Variants in TUBA8 observed in about 807,000 individuals in gnomAD.
TUBA8 encodes the protein tubulin alpha 8, also known as tubulin alpha-8 chain.
Under a neutral mutation model 34.7 loss-of-function variants are expected in TUBA8, and 29 were observed. That is an observed-to-expected ratio of 0.84 (90% CI 0.62 to 1.14). The LOEUF (loss-of-function observed/expected upper bound fraction) is 1.14. Ranked by LOEUF, TUBA8 falls within the 50% of genes most tolerant of loss-of-function variation. The pLI is 0.00. For missense variants in TUBA8, 541 were observed against 599.2 expected (o/e 0.90, Z 1.01); for synonymous variants, 226 against 231.2 (o/e 0.98, Z 0.21).
chr22:18,125,119 G>T (rs1248341389), intron 3 of TUBA8: 1 of 152,194 alleles, frequency 6.6e-6, no homozygotes, highest in Non-Finnish European at 1.5e-5. Flanking sequence ...GCTGACATCC[G>T]TGCTTACAAC....
At chr22:18,129,593 C>A in intron 4 of TUBA8, 1 of 152,386 alleles carries the variant, frequency 6.6e-6, no homozygotes, top group Non-Finnish European at 1.5e-5. Context: ...CACTTTGCCC[C>A]TCTCCCAGTA....
chr22:18,124,045 TC>T lies in TUBA8; in HGVS notation c.227-109del. On this transcript the variant is annotated intron_variant, in intron 2 of 4. Transcript: ENST00000330423. The surrounding 1 kb of genome is among the most constrained non-coding windows in gnomAD (Gnocchi z 4.3). ...TTACGAGGTGGTCTGGCTTCAAACC[TC>T]CATGGAGTTTTATAGGTAGGGGAGA... 7.3e-7 allele frequency: 1 copy of T among 1,378,406 alleles called. No homozygotes were observed. Among genetic ancestry groups the T allele is most frequent in the Non-Finnish European group, 1.0e-6 (1 of 980,148 alleles). 85.4% of individuals were successfully genotyped at this position (1,378,406 alleles called of 1,614,324 possible). A position where few individuals can be genotyped will look rare whatever the true frequency, so the allele number is the denominator to read the frequency against.
chr22:18,127,487 A>G (rs551021107), intron 4 of TUBA8: 8 of 152,252 alleles, frequency 5.3e-5, no homozygotes, highest in South Asian at 3.8e-4. Context: ...TCCACCTCTC[A>G]GGTTCACGCC....
In TUBA8 at chr22:18,121,950, C is replaced by CA. The variant is rs1928163814; in HGVS notation, c.226+253dup. ...AACCCCAAAACCTGCGGCACCAGGT[C>CA]AAAATGGTCACATCGCTACTAAATA... On this transcript the variant is annotated intron_variant, in intron 2 of 4. Coordinates refer to ENST00000330423, the MANE Select transcript of TUBA8 (RefSeq NM_018943.3). The surrounding 1 kb of genome is among the most constrained non-coding windows in gnomAD (Gnocchi z 4.8). The CA allele has an allele frequency of 1.9e-6, 1 of 536,246 alleles. No homozygotes were observed. Among genetic ancestry groups the CA allele is most frequent in the Non-Finnish European group, 3.4e-6 (1 of 298,220 alleles). 33.2% of individuals were successfully genotyped at this position (536,246 alleles called of 1,614,324 possible). A position where few individuals can be genotyped will look rare whatever the true frequency, so the allele number is the denominator to read the frequency against.
At chr22:18,127,654 A>C (rs1258798697) in intron 4 of TUBA8, 3 of 140,682 alleles carry the variant, frequency 2.1e-5, no homozygotes, top group Non-Finnish European at 4.6e-5. Context: ...TGGCCTCCCA[A>C]AGTGCTGGGA....
At position 18,117,187 on chromosome 22, in the gene TUBA8, A is replaced by AT. The variant is rs1280754555; in HGVS notation, c.4-4287dup. 7 of 152,238 alleles carry AT rather than the reference A, an allele frequency of 4.6e-5. No homozygotes were observed. In the South Asian group the frequency reaches 1.0e-3, roughly 23 times the overall value. The allele number at this position is 152,238 out of a possible 1,614,324, so 9.4% of individuals were successfully genotyped here. A position where few individuals can be genotyped will look rare whatever the true frequency, so the allele number is the denominator to read the frequency against. On this transcript the variant is annotated intron_variant, in intron 1 of 4. Transcript: ENST00000330423. ...TTATCTAGATTTAAGAAGAAGAATG[A>AT]TTTTTCCATCTGTTATTTGCTGTGT...
At position 18,126,686 on chromosome 22, in the gene TUBA8, C is replaced by G. The variant is rs745406393; in HGVS notation, c.708C>G (p.Ser236=). The G allele has an allele frequency of 5.0e-6, 8 of 1,614,056 alleles. No homozygotes were observed. The East Asian group carries it at 1.3e-4, about 27-fold the overall frequency. Reference sequence around the variant, plus strand: ...ACCGCCTCATCAGTCAGATTGTGTCCTCAATCACTGCTTCTCTCCGCTTTG... The same window carrying G: ...ACCGCCTCATCAGTCAGATTGTGTCGTCAATCACTGCTTCTCTCCGCTTTG... ...NLNRLISQIV[S]SITASLRFDG... Residue 236 remains serine (S), a synonymous_variant, in exon 4 of 5, where the codon TCC becomes TCG. Coordinates refer to ENST00000330423, the MANE Select transcript of TUBA8 (RefSeq NM_018943.3). This position sits in a 1 kb window ranked among gnomAD's most constrained non-coding sequence, Gnocchi z 4.0.
Position 18,118,272 on chromosome 22 carries a change from T to C in TUBA8, c.4-3207T>C, listed in dbSNP as rs1928037479. 6.6e-6 allele frequency: 1 copy of C among 152,210 alleles called. No homozygotes were observed. Among genetic ancestry groups the C allele is most frequent in the South Asian group, 2.1e-4 (1 of 4,834 alleles). 9.4% of individuals were successfully genotyped at this position (152,210 alleles called of 1,614,324 possible). On this transcript the variant is annotated intron_variant, in intron 1 of 4. Transcript: ENST00000330423. This position sits in a 1 kb window ranked among gnomAD's most constrained non-coding sequence, Gnocchi z 4.0. ...AATCTATTATTCGGTCCACATTGCT[T>C]AGCAGACATTCTTCAATTAAAGAAA...
Position 18,124,259 on chromosome 22 carries a change from G to T in TUBA8, c.330G>T (p.Val110=), listed in dbSNP as rs1928250484. Residue 110 remains valine, a synonymous_variant, in exon 3 of 5, where the codon GTG becomes GTT. Coordinates refer to ENST00000330423, the MANE Select transcript of TUBA8 (RefSeq NM_018943.3). The surrounding 1 kb of genome is among the most constrained non-coding windows in gnomAD (Gnocchi z 4.3). The stretch of plus-strand genomic sequence containing the variant: ...ACTATGCCCGGGGCCACTACACGGT[G>T]GGCAAGGAGAGCATTGACCTGGTGC... ...ANNYARGHYT[V]GKESIDLVLD... is the part of the protein sequence containing the mutation. 1.2e-6 allele frequency: 2 copies of T among 1,614,158 alleles called. No individual in the cohort carries two copies. The highest frequency in any genetic ancestry group is 1.7e-6 in the Non-Finnish European group (2 of 1,180,032).
At position 18,126,764 on chromosome 22, in the gene TUBA8, C is replaced by T. The variant is rs1333694434; in HGVS notation, c.786C>T (p.Tyr262=). 1.2e-6 allele frequency: 2 copies of T among 1,613,970 alleles called. No individual in the cohort carries two copies. The highest frequency in any genetic ancestry group is 1.3e-5 in the African/African-American group (1 of 74,878). Residue 262 remains tyrosine, a synonymous_variant, in exon 4 of 5, where the codon TAC becomes TAT. Coordinates refer to ENST00000330423, the MANE Select transcript of TUBA8 (RefSeq NM_018943.3). The surrounding 1 kb of genome is among the most constrained non-coding windows in gnomAD (Gnocchi z 4.0). The part of the protein sequence containing the change: ...LTEFQTNLVP[Y]PRIHFPLVTY... The stretch of plus-strand genomic sequence containing the variant: ...AGTTCCAGACCAACCTGGTGCCCTA[C>T]CCCCGCATCCACTTCCCGCTGGTCA...
chr22:18,119,984 G>A lies in TUBA8; in HGVS notation c.4-1495G>A, dbSNP rs1001148057. 6.6e-6 allele frequency: 1 copy of A among 152,188 alleles called. No individual in the cohort carries two copies. Among genetic ancestry groups the A allele is most frequent in the Non-Finnish European group, 1.5e-5 (1 of 68,056 alleles). The allele number at this position is 152,188 out of a possible 1,614,324, so 9.4% of individuals were successfully genotyped here. ...CACATGCTTCCTGCTGGGCTCAGGC[G>A]GCTGCCCCAGGCACAGTGTCGCCTT... On this transcript the variant is annotated intron_variant, in intron 1 of 4. Coordinates refer to ENST00000330423, the MANE Select transcript of TUBA8 (RefSeq NM_018943.3). The surrounding 1 kb of genome is among the most constrained non-coding windows in gnomAD (Gnocchi z 5.9).
chr22:18,126,763 A>G lies in TUBA8; in HGVS notation c.785A>G (p.Tyr262Cys). ...GAGTTCCAGACCAACCTGGTGCCCT[A>G]CCCCCGCATCCACTTCCCGCTGGTC... ...LTEFQTNLVPYPRIHFPLVTY... is the reference protein window; with the variant it reads ...LTEFQTNLVPCPRIHFPLVTY... Residue 262 changes from tyrosine (Y) to cysteine (C), a missense_variant, in exon 4 of 5, where the codon TAC becomes TGC. Transcript: ENST00000330423. This position sits in a 1 kb window ranked among gnomAD's most constrained non-coding sequence, Gnocchi z 4.0. 6.2e-7 allele frequency: 1 copy of G among 1,613,154 alleles called. No homozygotes were observed.
At chr22:18,127,673 G>C (rs532476215) in intron 4 of TUBA8, 1 of 146,634 alleles carries the variant, frequency 6.8e-6, no homozygotes, top group Non-Finnish European at 1.5e-5. Context: ...GATTACAGGC[G>C]TGAGCCACTG....
In TUBA8 at chr22:18,121,749, A is replaced by G. The variant is rs377178253; in HGVS notation, c.226+48A>G. On this transcript the variant is annotated intron_variant, in intron 2 of 4. Transcript: ENST00000330423. This position sits in a 1 kb window ranked among gnomAD's most constrained non-coding sequence, Gnocchi z 4.8. ...TCCACAGAGAACATCTCGAAACTGCAGAGGCATTGGCCCACAGTAGCTAAG... is the reference window on the plus strand; with the variant it reads ...TCCACAGAGAACATCTCGAAACTGCGGAGGCATTGGCCCACAGTAGCTAAG... 1.7e-5 allele frequency: 27 copies of G among 1,573,478 alleles called. No individual in the cohort carries two copies. The highest frequency in any genetic ancestry group is 2.3e-5 in the Non-Finnish European group (26 of 1,146,528).
intron 2 of TUBA8, chr22:18,123,790 G>T: frequency 3.2e-6 from 1 of 314,180 alleles, no homozygotes; most frequent in East Asian, 7.7e-5. Flanking sequence ...GCCCAGGCTG[G>T]TCTTGAACTC....
At position 18,124,397 on chromosome 22, in the gene TUBA8, AC is replaced by A; in HGVS notation, c.375+97del. 1 of 1,418,760 alleles carries A rather than the reference AC, an allele frequency of 7.0e-7. No homozygotes were observed. 87.9% of individuals were successfully genotyped at this position (1,418,760 alleles called of 1,614,324 possible). On this transcript the variant is annotated intron_variant, in intron 3 of 4. Coordinates refer to ENST00000330423, the MANE Select transcript of TUBA8 (RefSeq NM_018943.3). The surrounding 1 kb of genome is among the most constrained non-coding windows in gnomAD (Gnocchi z 4.3). ...TGATCAGGCTAGGGAGAGGCATCTG[AC>A]CCCTGGCTATAGGATGGAGCTCCTA...
In TUBA8 at chr22:18,131,316, G is replaced by T. The variant is rs930546400; in HGVS notation, c.*180G>T. On this transcript the variant is annotated 3_prime_UTR_variant, in exon 5 of 5. Transcript: ENST00000330423. The surrounding 1 kb of genome is among the most constrained non-coding windows in gnomAD (Gnocchi z 5.3). The stretch of plus-strand genomic sequence containing the variant: ...GCTAAGTGGACACTGAGCTTCATCA[G>T]GCCCTCCCTGGGTAGGAGCAGCTTT... The T allele has an allele frequency of 2.4e-5, 15 of 637,050 alleles. No homozygotes were observed. The highest frequency in any genetic ancestry group is 4.1e-5 in the Non-Finnish European group (15 of 364,478). 39.5% of individuals were successfully genotyped at this position (637,050 alleles called of 1,614,324 possible). A position where few individuals can be genotyped will look rare whatever the true frequency, so the allele number is the denominator to read the frequency against.
rs752891255 is a variant in TUBA8 at position 18,126,796 on chromosome 22, C to T, written c.818C>T (p.Ala273Val). Residue 273 changes from alanine (A) to valine (V), a missense_variant, in exon 4 of 5, where the codon GCG becomes GTG. Coordinates refer to ENST00000330423, the MANE Select transcript of TUBA8 (RefSeq NM_018943.3). This position sits in a 1 kb window ranked among gnomAD's most constrained non-coding sequence, Gnocchi z 4.0. ...PRIHFPLVTY[A>V]PIISAEKAYH... Reference sequence around the variant, plus strand: ...ATCCACTTCCCGCTGGTCACCTACGCGCCCATCATCTCTGCCGAGAAAGCC... The same window carrying T: ...ATCCACTTCCCGCTGGTCACCTACGTGCCCATCATCTCTGCCGAGAAAGCC... The T allele has an allele frequency of 1.3e-5, 21 of 1,613,954 alleles. No individual in the cohort carries two copies. The highest frequency in any genetic ancestry group is 3.3e-5 in the Admixed American group (2 of 60,000).
intron 1 of TUBA8, chr22:18,117,186 G>T (rs1928000781): frequency 6.6e-6 from 1 of 152,132 alleles, no homozygotes; most frequent in Non-Finnish European, 1.5e-5. Flanking sequence ...GAAGAAGAAT[G>T]ATTTTTCCAT....
Sources: gnomAD v4.1 joint callset for allele counts on GRCh38, gnomAD v4.1.1 for gene constraint, Gnocchi (gnomAD v3.1) non-coding constraint, MANE v1.5 for transcripts, NCBI Gene and HGNC (gene_info 2026-07-23, HGNC 2026-07-21) for gene names.